Variants in FLRT1 observed in about 807,000 individuals in gnomAD.
FLRT1 encodes fibronectin leucine rich transmembrane protein 1.
In FLRT1, 14 loss-of-function variants were observed where a neutral mutation model predicts 30.9. That is an observed-to-expected ratio of 0.45 (90% CI 0.30 to 0.71). The LOEUF (loss-of-function observed/expected upper bound fraction) is 0.71. FLRT1 is among the 30% of genes least tolerant of loss of function. The pLI is 0.08. For missense variants in FLRT1, 737 were observed against 949.2 expected, an observed-to-expected ratio of 0.78 and a Z score of 2.94; for synonymous variants, 368 against 430.4, an observed-to-expected ratio of 0.85 and a Z score of 1.80.
intron 1 of FLRT1, among the ~76,000 whole-genome samples, chr11:64,044,067 C>T (rs1026860739): frequency 1.3e-4 from 19 of 151,948 alleles, no homozygotes; most frequent in Non-Finnish European, 2.1e-4. Flanking sequence ...CCACCCACTT[C>T]GGCCTCCCAA....
chr11:64,078,191 CAGAA>C (rs1015387725), intron 1 of FLRT1, among the ~76,000 whole-genome samples: 1 of 152,220 alleles, frequency 6.6e-6, no homozygotes. Flanking sequence ...CCCAGAGATG[CAGAA>C]AGAACTGGCC....
intron 1 of FLRT1, among the ~76,000 whole-genome samples, chr11:64,080,600 C>T (rs561526490): frequency 3.9e-5 from 6 of 152,146 alleles, no homozygotes; most frequent in African/African-American, 7.2e-5. Flanking sequence ...AACACGTAGG[C>T]GTTCAGCAAG....
intron 1 of FLRT1, among the ~76,000 whole-genome samples, chr11:64,076,277 C>T (rs1170059772): frequency 1.3e-5 from 2 of 152,338 alleles, no homozygotes; most frequent in African/African-American, 4.8e-5. Flanking sequence ...CATGACCCTC[C>T]ACTGCATGGG....
At chr11:64,087,037 A>C (rs2134509839) in intron 1 of FLRT1, 1 of 152,296 alleles carries the variant, frequency 6.6e-6, no homozygotes, top group East Asian at 1.9e-4. Flanking sequence ...CAGCTGCCAC[A>C]GTGACCGACA....
At position 64,117,393 on chromosome 11, in the gene FLRT1, G is replaced by A; in HGVS notation, c.1126G>A (p.Asp376Asn). ...CATCAAGGACATTACCAGCGAGATG[G>A]ACGAGTGTTTTGAGACGGGGCCGCA... ...MAIKDITSEM[D>N]ECFETGPQGG... The change falls in exon 3 of 3, where the codon GAC becomes AAC. Residue 376 changes from aspartate to asparagine, a missense_variant. Transcript: ENST00000682287. 1 of 1,612,270 alleles carries A rather than the reference G, an allele frequency of 6.2e-7. No homozygotes were observed. The highest frequency in any genetic ancestry group is 8.5e-7 in the Non-Finnish European group (1 of 1,178,524).
chr11:64,088,389 G>C (rs935827657), intron 1 of FLRT1, among the ~76,000 whole-genome samples: 2 of 152,162 alleles, frequency 1.3e-5, no homozygotes, highest in African/African-American at 4.8e-5. Context: ...CGGGCCTCGG[G>C]GTCCTCACCT....
chr11:64,099,311 T>G (rs1337667918), intron 1 of FLRT1, among the ~76,000 whole-genome samples: 2 of 152,244 alleles, frequency 1.3e-5, no homozygotes, highest in Non-Finnish European at 2.9e-5. Flanking sequence ...TGAAAACCAA[T>G]GCCCTCCCCA....
intron 2 of FLRT1, among the ~76,000 whole-genome samples, chr11:64,105,782 G>A (rs947849151): frequency 1.1e-4 from 17 of 152,178 alleles, no homozygotes; most frequent in African/African-American, 4.1e-4. Context: ...ACAGTTGGGC[G>A]CCAAGGCCCC....
chr11:64,080,964 C>T (rs568604856), intron 1 of FLRT1, among the ~76,000 whole-genome samples: 33 of 152,298 alleles, frequency 2.2e-4, no homozygotes, highest in Admixed American at 3.9e-4. Flanking sequence ...AATTATGTGA[C>T]ATTGTTGAAG....
intron 1 of FLRT1, among the ~76,000 whole-genome samples, chr11:64,080,962 G>A (rs1944291934): frequency 6.6e-6 from 1 of 152,156 alleles, no homozygotes; most frequent in Non-Finnish European, 1.5e-5. Flanking sequence ...GGAATTATGT[G>A]ACATTGTTGA....
At chr11:64,060,067 AACAG>A (rs1258918999) in intron 1 of FLRT1, among the ~76,000 whole-genome samples, 9 of 152,366 alleles carry the variant, frequency 5.9e-5, no homozygotes, top group African/African-American at 2.2e-4. Flanking sequence ...AGGGGCAACT[AACAG>A]ACCAATTAAG....
At chr11:64,052,562 A>G (rs1025861207) in intron 1 of FLRT1, among the ~76,000 whole-genome samples, 2 of 151,786 alleles carry the variant, frequency 1.3e-5, no homozygotes, top group Non-Finnish European at 2.9e-5. Flanking sequence ...CTGAGCTTCC[A>G]CTCCTCACCC....
intron 2 of FLRT1, among the ~76,000 whole-genome samples, chr11:64,104,734 C>A (rs942157366): frequency 1.3e-5 from 2 of 152,192 alleles, no homozygotes; most frequent in Non-Finnish European, 2.9e-5. Context: ...TGGGCACCAT[C>A]TGCACTGGCT....
chr11:64,044,071 C>T (rs1273807017), intron 1 of FLRT1, among the ~76,000 whole-genome samples: 2 of 151,946 alleles, frequency 1.3e-5, no homozygotes, highest in Non-Finnish European at 2.9e-5. Context: ...CCACTTCGGC[C>T]TCCCAAAGTG....
intron 1 of FLRT1, among the ~76,000 whole-genome samples, chr11:64,061,873 CTTTTTTTT>C (rs57666180): frequency 1.8e-4 from 18 of 99,118 alleles, no homozygotes; most frequent in African/African-American, 5.3e-4. Context: ...ACCACGCTGG[CTTTTTTTT>C]TTTTTTTTTT....
At chr11:64,059,561 G>T (rs1441719243) in intron 1 of FLRT1, among the ~76,000 whole-genome samples, 1 of 152,166 alleles carries the variant, frequency 6.6e-6, no homozygotes, top group African/African-American at 2.4e-5. Context: ...CCTCATCTGG[G>T]GAACAGGCAT....
At chr11:64,100,428 A>T (rs1021362442) in intron 1 of FLRT1, among the ~76,000 whole-genome samples, 12 of 152,170 alleles carry the variant, frequency 7.9e-5, no homozygotes, top group African/African-American at 2.9e-4. Flanking sequence ...AAAATGGTTT[A>T]TTGGTTTTGA....
At chr11:64,066,273 G>A (rs547134864) in intron 1 of FLRT1, among the ~76,000 whole-genome samples, 65 of 141,578 alleles carry the variant, frequency 4.6e-4, no homozygotes, top group Non-Finnish European at 9.0e-4. Flanking sequence ...CCCCAGCCTC[G>A]GTGACAGAGC....
At chr11:64,087,609 C>G (rs1455248309) in intron 1 of FLRT1, among the ~76,000 whole-genome samples, 1 of 152,230 alleles carries the variant, frequency 6.6e-6, no homozygotes, top group African/African-American at 2.4e-5. Flanking sequence ...GCCTGCAAGG[C>G]TGGCCTTGCC....
Sources: allele counts gnomAD v4.1 joint callset (sites outside exome capture counted in the v4.1 genomes callset), GRCh38; gene constraint gnomAD v4.1.1; transcripts MANE v1.5; gene names NCBI Gene and HGNC (gene_info 2026-07-23, HGNC 2026-07-21).